Variants in RIMBP2 observed in about 807,000 individuals in gnomAD.
RIMBP2 encodes the protein RIMS-binding protein 2.
RIMBP2 carries 48 observed loss-of-function variants against 118.6 expected under a neutral mutation model. The ratio of observed to expected loss-of-function variants is 0.40; its 90% confidence interval spans 0.32 to 0.51. RIMBP2 has a LOEUF of 0.51. Among genes scored for constraint, RIMBP2 ranks in the 20% least tolerant of loss-of-function variants. RIMBP2 has a pLI of 0.41. For missense variants in RIMBP2, 1,551 were observed against 1,768.3 expected (o/e 0.88, Z 2.20); for synonymous variants, 762 against 742.9 (o/e 1.03, Z -0.42).
At chr12:130,454,261 G>A (rs1334102865) in intron 7 of RIMBP2, among the ~76,000 whole-genome samples, 1 of 152,184 alleles carries the variant, frequency 6.6e-6, no homozygotes, top group African/African-American at 2.4e-5. Context: ...AAATATGTAT[G>A]ATTTCTAATT....
intron 1 of RIMBP2, among the ~76,000 whole-genome samples, chr12:130,639,946 T>C (rs2062541336): frequency 6.6e-6 from 1 of 152,180 alleles, no homozygotes; most frequent in African/African-American, 2.4e-5. Context: ...CATAAATTCC[T>C]GACATATGAG....
intron 18 of RIMBP2, 81 bp downstream of exon 18, chr12:130,414,043 TA>T: frequency 7.0e-7 from 1 of 1,423,566 alleles, no homozygotes; most frequent in Non-Finnish European, 9.9e-7. Context: ...TCTAAGTCGA[TA>T]CCCTGTTGCC....
At position 130,437,263 on chromosome 12, in the gene RIMBP2, T is replaced by C; in HGVS notation, c.1685A>G (p.Asp562Gly). The C allele has an allele frequency of 6.3e-7, 1 of 1,581,966 alleles. No homozygotes were observed. The highest frequency in any genetic ancestry group is 8.5e-7 in the Non-Finnish European group (1 of 1,171,370). Residue 562 changes from aspartate (D) to glycine (G), a missense_variant, in exon 13 of 23, where the codon GAC becomes GGC. Transcript: ENST00000690449. ...CCGCACAAGCTCCACGGCCGTGCTG[T>C]CTGCCGTGGGGAAGATGACTTCAGC... ...RVAEVIFPTA[D>G]STAVELVRLR... is the part of the protein sequence containing the mutation.
chr12:130,519,151 C>A, intron 2 of RIMBP2, among the ~76,000 whole-genome samples: 1 of 152,234 alleles, frequency 6.6e-6, no homozygotes, highest in East Asian at 1.9e-4. Context: ...TTGAATTGAT[C>A]TGGTTCATCT....
intron 1 of RIMBP2, among the ~76,000 whole-genome samples, chr12:130,634,074 C>G (rs899342572): frequency 3.3e-5 from 5 of 152,224 alleles, no homozygotes; most frequent in Non-Finnish European, 7.3e-5. Context: ...GGGGGACAAG[C>G]ACCCAGCGTT....
intron 1 of RIMBP2, among the ~76,000 whole-genome samples, chr12:130,653,044 A>C (rs576803711): frequency 2.0e-5 from 3 of 152,184 alleles, no homozygotes; most frequent in African/African-American, 7.2e-5. Flanking sequence ...CAACCGTATC[A>C]TTCTGCCCCT....
In RIMBP2 at chr12:130,446,673, A is replaced by G. The variant is rs1326106552; in HGVS notation, c.582-1404T>C. On this transcript the variant is annotated intron_variant, in intron 9 of 22. Transcript: ENST00000690449. The surrounding 1 kb of genome is among the most constrained non-coding windows in gnomAD (Gnocchi z 4.1). ...TCTGGAAGAAGGAATAGCATGCGCCAAGGCCCAGAGGCAGGGAGGAGAGAG... is the reference window on the plus strand; with the variant it reads ...TCTGGAAGAAGGAATAGCATGCGCCGAGGCCCAGAGGCAGGGAGGAGAGAG... Among the ~76,000 whole-genome samples the G allele has an allele frequency of 6.6e-6, 1 of 152,226 alleles. No individual in the cohort carries two copies. The highest frequency in any genetic ancestry group is 2.4e-5 in the African/African-American group (1 of 41,454).
At chr12:130,685,769 G>C (rs1428347242) in intron 1 of RIMBP2, among the ~76,000 whole-genome samples, 1 of 152,114 alleles carries the variant, frequency 6.6e-6, no homozygotes, top group Non-Finnish European at 1.5e-5. Context: ...ATTCACAGAT[G>C]CCCTGCTCTG....
At chr12:130,412,598 C>A in intron 19 of RIMBP2, 21 bp downstream of exon 19, 1 of 1,607,250 alleles carries the variant, frequency 6.2e-7, no homozygotes, top group South Asian at 1.1e-5. Context: ...CAGGGAAGGT[C>A]GAATAGGGGT....
At chr12:130,443,132 G>A (rs75097472) in intron 10 of RIMBP2, among the ~76,000 whole-genome samples, 3,024 of 152,112 alleles carry the variant, frequency 0.02, 50 homozygotes, top group Non-Finnish European at 0.031. Flanking sequence ...GAATTAAAAG[G>A]TGATTTCCTG....
At chr12:130,556,642 G>T (rs1021056419) in intron 2 of RIMBP2, among the ~76,000 whole-genome samples, 1 of 152,212 alleles carries the variant, frequency 6.6e-6, no homozygotes, top group Non-Finnish European at 1.5e-5. Context: ...TGCAGCTGCT[G>T]GAAACACCCC....
At chr12:130,443,460 G>A (rs553166882) in intron 10 of RIMBP2, among the ~76,000 whole-genome samples, 3 of 152,248 alleles carry the variant, frequency 2.0e-5, no homozygotes, top group South Asian at 2.1e-4. Flanking sequence ...AGAATGGACC[G>A]TTTCCACCAA....
At position 130,538,862 on chromosome 12, in the gene RIMBP2, G is replaced by C. The variant is rs948066957; in HGVS notation, c.-216-20945C>G. Among the ~76,000 whole-genome samples, 3 of 151,140 alleles carry C rather than the reference G, an allele frequency of 2.0e-5. No homozygotes were observed. In the East Asian group the frequency reaches 5.8e-4, roughly 29 times the overall value. Reference sequence around the variant, plus strand: ...TCCCTCCCCGTATTGCCTGGGGATCGGGTGGTGGCCCATCTCCATGCATTT... The same window carrying C: ...TCCCTCCCCGTATTGCCTGGGGATCCGGTGGTGGCCCATCTCCATGCATTT... On this transcript the variant is annotated intron_variant, in intron 2 of 22. Transcript: ENST00000690449.
In RIMBP2 at chr12:130,660,884, C is replaced by T. The variant is rs112988535; in HGVS notation, c.-351-32428G>A. On this transcript the variant is annotated intron_variant, in intron 1 of 22. Transcript: ENST00000690449. ...ATGGCCAGGCAGACTTGTATTCAGA[C>T]ACACCACCCACCTGCCCTCTACAAG... 3.5e-3 allele frequency among the ~76,000 whole-genome samples: 535 copies of T among 152,290 alleles called. 4 individuals are homozygous for T. Among genetic ancestry groups the T allele is most frequent in the African/African-American group, 0.012 (494 of 41,568 alleles).
chr12:130,608,848 A>G (rs2140537852), intron 2 of RIMBP2, among the ~76,000 whole-genome samples: 1 of 152,264 alleles, frequency 6.6e-6, no homozygotes, highest in Middle Eastern at 3.4e-3. Flanking sequence ...GTCATTAACT[A>G]TGGTCAGCTT....
chr12:130,575,610 T>C (rs1048638735), intron 2 of RIMBP2, among the ~76,000 whole-genome samples: 44 of 152,200 alleles, frequency 2.9e-4, no homozygotes, highest in African/African-American at 1.1e-3. Flanking sequence ...CAAATGTGCA[T>C]GAAACACACA....
At chr12:130,451,563 C>T (rs928883844) in intron 7 of RIMBP2, among the ~76,000 whole-genome samples, 4 of 152,204 alleles carry the variant, frequency 2.6e-5, no homozygotes, top group Admixed American at 1.3e-4. Context: ...CTGGCGGTAA[C>T]GCTGTTTGGG....
At chr12:130,677,582 C>T (rs530244246) in intron 1 of RIMBP2, among the ~76,000 whole-genome samples, 45 of 152,160 alleles carry the variant, frequency 3.0e-4, no homozygotes, top group African/African-American at 1.0e-3. Flanking sequence ...GAGCCAAGAT[C>T]GCAACACTGA....
intron 14 of RIMBP2, among the ~76,000 whole-genome samples, chr12:130,433,436 T>C (rs1048067091): frequency 6.6e-6 from 1 of 152,186 alleles, no homozygotes; most frequent in Admixed American, 6.5e-5. Flanking sequence ...CTGTGAGGCA[T>C]AAAAATCACC....
Sources: allele counts gnomAD v4.1 joint callset (sites outside exome capture counted in the v4.1 genomes callset), GRCh38; gene constraint gnomAD v4.1.1; non-coding constraint Gnocchi (gnomAD v3.1); transcripts MANE v1.5; gene names NCBI Gene and HGNC (gene_info 2026-07-23, HGNC 2026-07-21).